The following THSD7B variants were observed in gnomAD, a reference collection of about 807,000 sequenced individuals.
THSD7B encodes thrombospondin type 1 domain containing 7B, also known as thrombospondin type-1 domain-containing protein 7B.
THSD7B carries 138 observed loss-of-function variants against 213.6 expected under a neutral mutation model. The ratio of observed to expected loss-of-function variants is 0.65; its 90% CI spans 0.56 to 0.74. The LOEUF (loss-of-function observed/expected upper bound fraction) is 0.74. Ranked by LOEUF, THSD7B falls within the 30% of genes least tolerant of loss-of-function variation. THSD7B has a pLI of 0.00. For missense variants in THSD7B, 1,931 were observed against 1,991.5 expected, an observed-to-expected ratio of 0.97 and a Z score of 0.58; for synonymous variants, 742 against 687.0, an observed-to-expected ratio of 1.08 and a Z score of -1.25.
intron 1 of THSD7B, among the ~76,000 whole-genome samples, chr2:136,825,244 C>A (rs1294445649): frequency 6.6e-6 from 1 of 152,150 alleles, no homozygotes; most frequent in Non-Finnish European, 1.5e-5. Flanking sequence ...AATTACCACA[C>A]ATTTAATGGT....
chr2:137,639,202 G>A (rs1682891647), intron 20 of THSD7B, among the ~76,000 whole-genome samples: 1 of 152,108 alleles, frequency 6.6e-6, no homozygotes, highest in Admixed American at 6.6e-5. Flanking sequence ...GGGACTTGGT[G>A]CCCTGTGTCC....
chr2:136,919,466 C>A (rs1469800697), intron 2 of THSD7B, among the ~76,000 whole-genome samples: 2 of 152,184 alleles, frequency 1.3e-5, no homozygotes, highest in Non-Finnish European at 2.9e-5. Context: ...TTTATAATGC[C>A]AGTTGCTTCT....
chr2:137,218,501 TGGTAGGTGA>T (rs1433829646), intron 7 of THSD7B, among the ~76,000 whole-genome samples: 9 of 151,394 alleles, frequency 5.9e-5, no homozygotes, highest in Non-Finnish European at 1.3e-4. Context: ...TTGTAATAAC[TGGTAGGTGA>T]GTTTGGGGAA....
chr2:137,165,410 C>A (rs1680105280), intron 6 of THSD7B, among the ~76,000 whole-genome samples: 1 of 152,134 alleles, frequency 6.6e-6, no homozygotes, highest in East Asian at 1.9e-4. Context: ...TGATTCTGTT[C>A]CTTCAAGGTA....
intron 5 of THSD7B, among the ~76,000 whole-genome samples, chr2:137,157,111 T>C (rs1429133302): frequency 6.6e-6 from 1 of 152,216 alleles, no homozygotes; most frequent in Non-Finnish European, 1.5e-5. Flanking sequence ...TGTTAACAAA[T>C]GGTGTGATGC....
At chr2:137,055,711 T>TAC (rs1015693262) in intron 2 of THSD7B, among the ~76,000 whole-genome samples, 11 of 152,132 alleles carry the variant, frequency 7.2e-5, no homozygotes, top group African/African-American at 2.7e-4. Flanking sequence ...TCAAAATGAG[T>TAC]ACACTTCAAG....
intron 1 of THSD7B, among the ~76,000 whole-genome samples, chr2:136,819,689 C>T (rs190874156): frequency 6.6e-6 from 1 of 152,152 alleles, no homozygotes; most frequent in African/African-American, 2.4e-5. Context: ...TGCTTATGCC[C>T]CCCCCAGTCC....
chr2:137,593,768 T>C (rs1681907889), intron 17 of THSD7B, among the ~76,000 whole-genome samples: 1 of 152,008 alleles, frequency 6.6e-6, no homozygotes, highest in African/African-American at 2.4e-5. Context: ...TAGAAGTGGA[T>C]TTTACTTCTG....
chr2:137,174,849 T>C (rs1290550965), intron 7 of THSD7B, among the ~76,000 whole-genome samples: 3 of 152,206 alleles, frequency 2.0e-5, no homozygotes, highest in African/African-American at 7.2e-5. Flanking sequence ...TCTTGTCTCA[T>C]TGACAAGTAT....
rs529310900 is a variant in THSD7B at position 136,771,930 on chromosome 2, A to G, written c.-36+6243A>G. ...GCAACAAGTGTGACTAGTAATTATT[A>G]CTATTAGTTAATTACCTATGAATTG... On this transcript the variant is annotated intron_variant, in intron 1 of 27. Transcript: ENST00000409968. Among the ~76,000 whole-genome samples, 37 of 152,282 alleles carry G rather than the reference A, an allele frequency of 2.4e-4. 1 individual carries two copies. Among genetic ancestry groups the G allele is most frequent in the African/African-American group, 8.9e-4 (37 of 41,562 alleles).
At chr2:137,245,173 T>C (rs1315869464) in intron 10 of THSD7B, among the ~76,000 whole-genome samples, 2 of 152,168 alleles carry the variant, frequency 1.3e-5, no homozygotes, top group Non-Finnish European at 2.9e-5. Flanking sequence ...TTGTTTTTTT[T>C]CCCAGTTTAA....
At position 137,233,015 on chromosome 2, in the gene THSD7B, T is replaced by G; in HGVS notation, c.2032T>G (p.Leu678Val). 1 of 1,613,960 alleles carries G rather than the reference T, an allele frequency of 6.2e-7. No homozygotes were observed. Among genetic ancestry groups the G allele is most frequent in the Middle Eastern group, 1.6e-4 (1 of 6,062 alleles). The stretch of plus-strand genomic sequence containing the variant: ...TTGGGGCCCTTGTTCTGAGGACACA[T>G]TGGTAACTGCCCTTAATGCAACCAT... The part of the protein sequence containing the change: ...SPWGPCSEDT[L>V]VTALNATIGW... The change falls in exon 9 of 28, where the codon TTG (leucine) becomes GTG (valine). Residue 678 changes from leucine to valine, a missense_variant. By Grantham distance (32) the Leu-to-Val change is conservative. Transcript: ENST00000409968.
At chr2:137,671,422 C>A (rs1395672307) in intron 27 of THSD7B, among the ~76,000 whole-genome samples, 2 of 152,002 alleles carry the variant, frequency 1.3e-5, no homozygotes, top group Non-Finnish European at 2.9e-5. Flanking sequence ...GAAGAAATAG[C>A]CAAGACTGGG....
chr2:136,960,689 C>A (rs1211711211), intron 2 of THSD7B, among the ~76,000 whole-genome samples: 1 of 152,088 alleles, frequency 6.6e-6, no homozygotes, highest in Non-Finnish European at 1.5e-5. Context: ...CTCGAATCTC[C>A]TTCCATAGAG....
chr2:136,859,142 C>T (rs1683222024), intron 1 of THSD7B, among the ~76,000 whole-genome samples: 1 of 152,202 alleles, frequency 6.6e-6, no homozygotes, highest in South Asian at 2.1e-4. Context: ...TATTTCTGTA[C>T]TTGTGAGATG....
intron 12 of THSD7B, among the ~76,000 whole-genome samples, chr2:137,277,849 G>C (rs1381351768): frequency 6.6e-6 from 1 of 152,026 alleles, no homozygotes; most frequent in African/African-American, 2.4e-5. Flanking sequence ...TGGGAGTTGA[G>C]GATAAAAGCT....
intron 12 of THSD7B, among the ~76,000 whole-genome samples, chr2:137,399,404 G>T (rs1014744821): frequency 6.6e-6 from 1 of 152,038 alleles, no homozygotes; most frequent in Non-Finnish European, 1.5e-5. Context: ...TGTTGGCCAA[G>T]CTGGTCTCGA....
At chr2:136,931,591 G>A (rs562459241) in intron 2 of THSD7B, among the ~76,000 whole-genome samples, 36 of 152,242 alleles carry the variant, frequency 2.4e-4, no homozygotes, top group African/African-American at 7.9e-4. Context: ...GCTGTGGGAA[G>A]TTGACTTTTT....
In THSD7B at chr2:137,367,500, G is replaced by C. The variant is rs540788193; in HGVS notation, c.2501-38113G>C. On this transcript the variant is annotated intron_variant, in intron 12 of 27. Coordinates refer to ENST00000409968, the MANE Select transcript of THSD7B (RefSeq NM_001316349.2). ...ATTCTATGAACACAAAACAAAGCAA[G>C]TCTGCAGGCTAATTCAAAAGGTCAC... 2.6e-5 allele frequency among the ~76,000 whole-genome samples: 4 copies of C among 152,260 alleles called. No individual in the cohort carries two copies. The East Asian group carries it at 7.7e-4, about 29-fold the overall frequency.
Sources: allele counts gnomAD v4.1 joint callset (sites outside exome capture counted in the v4.1 genomes callset), GRCh38; gene constraint gnomAD v4.1.1; transcripts MANE v1.5; gene names NCBI Gene and HGNC (gene_info 2026-07-23, HGNC 2026-07-21).